Variants in FHOD3 observed in about 807,000 individuals in gnomAD.
The protein encoded by FHOD3 is formin homology 2 domain containing 3.
A neutral mutation model predicts 173.0 loss-of-function variants in FHOD3; 90 were observed. The ratio of observed to expected loss-of-function variants is 0.52; its 90% CI spans 0.44 to 0.62. FHOD3 has a LOEUF of 0.62. FHOD3 is among the 20% of genes least tolerant of loss of function. FHOD3 has a pLI of 0.00. For synonymous variants in FHOD3, 828 were observed against 823.0 expected (o/e 1.01, Z -0.10); for missense variants, 1,945 against 2,034.7 (o/e 0.96, Z 0.85).
At chr18:36,390,730 G>C (rs1332735952) in intron 3 of FHOD3, among the ~76,000 whole-genome samples, 1 of 152,182 alleles carries the variant, frequency 6.6e-6, no homozygotes, top group South Asian at 2.1e-4. Flanking sequence ...TCCTACCTGA[G>C]TGACTGATGT....
At chr18:36,628,149 A>C (rs565869876) in intron 10 of FHOD3, among the ~76,000 whole-genome samples, 15 of 152,352 alleles carry the variant, frequency 9.8e-5, no homozygotes, top group Admixed American at 3.3e-4. Context: ...GTCCTTTTGC[A>C]TCATTTGAAT....
intron 5 of FHOD3, among the ~76,000 whole-genome samples, chr18:36,516,306 T>G (rs1429388724): frequency 6.6e-6 from 1 of 152,172 alleles, no homozygotes; most frequent in Non-Finnish European, 1.5e-5. Context: ...CACAGTTCCC[T>G]GAGGAGAAGA....
intron 26 of FHOD3, 47 bp downstream of exon 26, chr18:36,759,188 T>TGA (rs1189781611): frequency 1.1e-5 from 17 of 1,518,126 alleles, no homozygotes; most frequent in Non-Finnish European, 1.4e-5. Context: ...TACCACCTCA[T>TGA]GTATGCTCTG....
intron 5 of FHOD3, among the ~76,000 whole-genome samples, chr18:36,563,055 C>A (rs560130392): frequency 6.6e-6 from 1 of 152,130 alleles, no homozygotes; most frequent in Non-Finnish European, 1.5e-5. Flanking sequence ...CCCTCAGGTA[C>A]GTGCTTCTAG....
intron 4 of FHOD3, among the ~76,000 whole-genome samples, chr18:36,511,906 T>C (rs1182539093): frequency 6.6e-6 from 1 of 152,216 alleles, no homozygotes; most frequent in East Asian, 1.9e-4. Context: ...CTTCCATGCT[T>C]GTCCTACAGG....
chr18:36,649,740 A>G (rs549304259), intron 11 of FHOD3, among the ~76,000 whole-genome samples: 1 of 152,304 alleles, frequency 6.6e-6, no homozygotes, highest in Non-Finnish European at 1.5e-5. Flanking sequence ...CCCTAAGAAG[A>G]TTCTTGCCCT....
intron 3 of FHOD3, 26 bp downstream of exon 3, chr18:36,372,770 T>G: frequency 6.2e-7 from 1 of 1,603,500 alleles, no homozygotes; most frequent in Non-Finnish European, 8.5e-7. Context: ...CCTCAGGAAC[T>G]AAACATATGA....
intron 6 of FHOD3, among the ~76,000 whole-genome samples, chr18:36,582,204 C>T (rs1433434822): frequency 6.6e-6 from 1 of 152,130 alleles, no homozygotes; most frequent in Non-Finnish European, 1.5e-5. Flanking sequence ...CCATGTGCCC[C>T]AGGAGACACT....
intron 19 of FHOD3, among the ~76,000 whole-genome samples, chr18:36,721,013 C>G (rs2149802797): frequency 6.6e-6 from 1 of 152,294 alleles, no homozygotes. Flanking sequence ...ACCTACCTCC[C>G]TCCTTCTCTT....
intron 3 of FHOD3, among the ~76,000 whole-genome samples, chr18:36,493,442 C>T (rs1163989853): frequency 6.6e-6 from 1 of 152,068 alleles, no homozygotes; most frequent in Non-Finnish European, 1.5e-5. Flanking sequence ...TCACGTGCCG[C>T]ATTTGAGTTC....
At chr18:36,310,659 C>G (rs1199041417) in intron 1 of FHOD3, among the ~76,000 whole-genome samples, 1 of 149,096 alleles carries the variant, frequency 6.7e-6, no homozygotes, top group African/African-American at 2.5e-5. Flanking sequence ...TGCACTCCAG[C>G]CTGAGCAACA....
intron 1 of FHOD3, among the ~76,000 whole-genome samples, chr18:36,298,212 G>A (rs1377952308): frequency 1.3e-5 from 2 of 151,996 alleles, no homozygotes; most frequent in African/African-American, 4.8e-5. Context: ...GGGCGGGAAG[G>A]AACAGCTAGA....
In FHOD3 at chr18:36,709,213, T is replaced by C. The variant is rs755351017; in HGVS notation, c.2355T>C (p.Thr785=). ...DIASAHEGAE[T]EVEQALEQEP... is the part of the protein sequence containing the mutation. ...CCTCTGCCCACGAGGGTGCAGAGAC[T>C]GAAGTGGAGCAGGCACTAGAGCAAG... Residue 785 remains threonine, a synonymous_variant, in exon 18 of 29, where the codon ACT becomes ACC. Transcript: ENST00000590592. 1.5e-5 allele frequency: 25 copies of C among 1,613,980 alleles called. No homozygotes were observed. The highest frequency in any genetic ancestry group is 5.0e-5 in the Admixed American group (3 of 59,996).
intron 10 of FHOD3, among the ~76,000 whole-genome samples, chr18:36,628,498 GC>G (rs1376563564): frequency 5.3e-5 from 8 of 152,194 alleles, no homozygotes; most frequent in African/African-American, 1.9e-4. Context: ...ACTTAAGCCA[GC>G]TATGTGCTTT....
At chr18:36,655,699 TATA>T (rs1251078190) in intron 13 of FHOD3, among the ~76,000 whole-genome samples, 1 of 151,994 alleles carries the variant, frequency 6.6e-6, no homozygotes, top group Non-Finnish European at 1.5e-5. Context: ...TTGAATGGGT[TATA>T]ATAAAGACCG....
At chr18:36,406,396 C>G (rs1264835813) in intron 3 of FHOD3, among the ~76,000 whole-genome samples, 3 of 152,130 alleles carry the variant, frequency 2.0e-5, no homozygotes, top group African/African-American at 7.2e-5. Context: ...AAGAGTTTTC[C>G]TCTCAGCGTT....
intron 3 of FHOD3, among the ~76,000 whole-genome samples, chr18:36,373,685 G>T (rs534377076): frequency 5.3e-5 from 8 of 152,362 alleles, no homozygotes; most frequent in Admixed American, 5.2e-4. Context: ...GGACTGAAAG[G>T]TCAGGGTGTC....
chr18:36,507,614 C>T (rs1172364150), intron 4 of FHOD3, among the ~76,000 whole-genome samples: 2 of 152,174 alleles, frequency 1.3e-5, no homozygotes, highest in Non-Finnish European at 2.9e-5. Flanking sequence ...AATGAATGGA[C>T]TGGGTAACTT....
At chr18:36,595,597 G>T (rs912047509) in intron 7 of FHOD3, among the ~76,000 whole-genome samples, 1 of 152,092 alleles carries the variant, frequency 6.6e-6, no homozygotes, top group African/African-American at 2.4e-5. Flanking sequence ...TCTCCAAGTC[G>T]GGGTTGCCTG....
Sources: allele counts gnomAD v4.1 joint callset (sites outside exome capture counted in the v4.1 genomes callset), GRCh38; gene constraint gnomAD v4.1.1; transcripts MANE v1.5; gene names NCBI Gene and HGNC (gene_info 2026-07-23, HGNC 2026-07-21).